LAMA1: variants seen among roughly 807,000 people sequenced by gnomAD.
The protein encoded by LAMA1 is laminin subunit alpha-1.
A neutral mutation model predicts 348.7 loss-of-function variants in LAMA1; 219 were observed. The ratio of observed to expected loss-of-function variants is 0.63; its 90% CI spans 0.56 to 0.70. The LOEUF (loss-of-function observed/expected upper bound fraction) is 0.70. Among genes scored for constraint, LAMA1 ranks in the 30% least tolerant of loss-of-function variants. LAMA1 has a pLI of 0.00. For missense variants in LAMA1, 3,744 were observed against 3,888.0 expected, an observed-to-expected ratio of 0.96 and a Z score of 0.99; for synonymous variants, 1,487 against 1,491.0, an observed-to-expected ratio of 1.00 and a Z score of 0.06.
rs1349466518 is a variant in LAMA1, at chr18:6,955,429, G to C, written c.8131C>G (p.Pro2711Ala). ...GTGAGACCAAACTGGTGAGCGCCGG[G>C]AACGTACTCCAGAGCTGCATCCACC... ...CVVDAALEYV[P>A]GAHQFGLTQN... Residue 2711 changes from proline (P) to alanine (A), a missense_variant, in exon 57 of 63, where the codon CCC (proline) becomes GCC (alanine). Transcript: ENST00000389658. 1 of 1,614,090 alleles carries C rather than the reference G, an allele frequency of 6.2e-7. No individual in the cohort carries two copies. The highest frequency in any genetic ancestry group is 8.5e-7 in the Non-Finnish European group (1 of 1,180,006).
chr18:6,963,595 C>T (rs1311373106), intron 51 of LAMA1, among the ~76,000 whole-genome samples: 1 of 152,140 alleles, frequency 6.6e-6, no homozygotes, highest in Non-Finnish European at 1.5e-5. Context: ...AGCTCTGTGC[C>T]ACATAAGAGG....
intron 27 of LAMA1, 94 bp from the exon 28 acceptor site, chr18:7,008,702 C>T (rs2057844898): frequency 4.2e-6 from 6 of 1,444,704 alleles, no homozygotes; most frequent in Non-Finnish European, 5.8e-6. Context: ...ATATATGAAA[C>T]CAGAGCTTTC....
At chr18:6,951,706 C>T (rs898619831) in intron 57 of LAMA1, among the ~76,000 whole-genome samples, 2 of 152,106 alleles carry the variant, frequency 1.3e-5, no homozygotes, top group Non-Finnish European at 2.9e-5. Context: ...CGACAGCCAA[C>T]GGGAGGGAGT....
intron 33 of LAMA1, among the ~76,000 whole-genome samples, chr18:6,996,291 C>G (rs1355607346): frequency 6.6e-6 from 1 of 152,100 alleles, no homozygotes; most frequent in Non-Finnish European, 1.5e-5. Context: ...GAACCAGCCC[C>G]ATCCCAGCGC....
chr18:7,003,762 A>G (rs547071342), intron 29 of LAMA1, among the ~76,000 whole-genome samples: 27 of 152,198 alleles, frequency 1.8e-4, no homozygotes, highest in Non-Finnish European at 3.8e-4. Flanking sequence ...TATCCTTGGC[A>G]GTGAGAGGTG....
At position 7,011,411 on chromosome 18, in the gene LAMA1, C is replaced by T. The variant is rs754428874; in HGVS notation, c.3576G>A (p.Glu1192=). 2.0e-5 allele frequency: 32 copies of T among 1,609,586 alleles called. No homozygotes were observed. Among genetic ancestry groups the T allele is most frequent in the Non-Finnish European group, 2.7e-5 (32 of 1,178,254 alleles). Residue 1192 remains glutamate (E), a synonymous_variant, in exon 25 of 63, where the codon GAG becomes GAA. Transcript: ENST00000389658. ...AGTCGGGGGCCTGGTAGTAAACCCC[C>T]TCGGTCGTGCCCCTCAAGTTACTCT... ...VSQSNLRGTT[E]GVYYQAPDFL... is the part of the protein sequence containing the mutation.
At chr18:7,001,681 T>C (rs541812487) in intron 30 of LAMA1, among the ~76,000 whole-genome samples, 1 of 152,232 alleles carries the variant, frequency 6.6e-6, no homozygotes, top group East Asian at 1.9e-4. Flanking sequence ...AATAATAAAA[T>C]ATTATTGATG....
chr18:6,949,025 C>T (rs1397030893), intron 59 of LAMA1, 76 bp downstream of exon 59: 10 of 1,560,410 alleles, frequency 6.4e-6, no homozygotes, highest in Admixed American at 3.4e-5. Context: ...CATAAAGATG[C>T]CGTGAGGTAT....
In LAMA1 at chr18:6,953,085, CCTGTGT is replaced by C. The variant is rs1195490837; in HGVS notation, c.8208-2120_8208-2115del. On this transcript the variant is annotated intron_variant, in intron 57 of 62. Transcript: ENST00000389658. ...ATCCACGCCATGGGAGCCATGTCTG[CCTGTGT>C]CCAGTGGATCCACACCATAGGAGCC... 1.8e-3 allele frequency among the ~76,000 whole-genome samples: 272 copies of C among 148,350 alleles called. 2 individuals carry two copies. The highest frequency in any genetic ancestry group is 6.2e-3 in the African/African-American group (248 of 39,754).
At chr18:6,956,094 G>A (rs909535104) in intron 56 of LAMA1, 10 of 306,658 alleles carry the variant, frequency 3.3e-5, no homozygotes, top group African/African-American at 6.6e-5. Context: ...TCAAAGCCTC[G>A]CCCTGCTCAG....
intron 20 of LAMA1, 110 bp downstream of exon 20, chr18:7,017,168 T>C (rs1568032564): frequency 4.8e-6 from 4 of 840,220 alleles, no homozygotes; most frequent in East Asian, 5.3e-5. Flanking sequence ...AGTATCTCTA[T>C]AGCAGTGTGA....
chr18:7,100,406 G>A (rs2058286975), intron 1 of LAMA1, among the ~76,000 whole-genome samples: 1 of 151,994 alleles, frequency 6.6e-6, no homozygotes, highest in Admixed American at 6.6e-5. Flanking sequence ...TGGTAGGGCT[G>A]TAAAACAGTG....
Position 7,049,227 on chromosome 18 carries a change from T to C in LAMA1, c.619A>G (p.Ser207Gly), listed in dbSNP as rs898152057. 5.0e-6 allele frequency: 8 copies of C among 1,614,000 alleles called. No homozygotes were observed. Among genetic ancestry groups the C allele is most frequent in the Non-Finnish European group, 6.8e-6 (8 of 1,180,012 alleles). The change falls in exon 5 of 63, where the codon AGC becomes GGC. Residue 207 changes from serine (S) to glycine (G), a missense_variant. Physicochemically the swap from Ser to Gly is moderately conservative, Grantham distance 56. This residue lies in a region of LAMA1 where 1,529 missense variants were observed against 1,689.4 expected (regional missense o/e 0.91). Transcript: ENST00000389658. Reference sequence around the variant, plus strand: ...AACTTGGGTGAAAGATCGTCAGCGCTTGGTCTGCCATTGATGAGTGATGTA... The same window carrying C: ...AACTTGGGTGAAAGATCGTCAGCGCCTGGTCTGCCATTGATGAGTGATGTA... ...IHTSLINGRPSADDLSPKLLE... is the reference protein window; with the variant it reads ...IHTSLINGRPGADDLSPKLLE...
In LAMA1 at chr18:7,037,591, T is replaced by C. The variant is rs1161599062; in HGVS notation, c.1724A>G (p.Tyr575Cys). ...PKYYWAAPEA[Y>C]LGNKLTAFGG... ...GGTCACACGCACCTTATTTCCAAGG[T>C]AGGCCTCGGGGGCTGCCCAGTAGTA... is the stretch of plus-strand genomic sequence containing the variant. Residue 575 changes from tyrosine (Y) to cysteine (C), a missense_variant, in exon 12 of 63, where the codon TAC (tyrosine) becomes TGC (cysteine). Physicochemically the swap from Tyr to Cys is radical, Grantham distance 194. This residue lies in a region of LAMA1 where 1,529 missense variants were observed against 1,689.4 expected (regional missense o/e 0.91). Transcript: ENST00000389658. The C allele has an allele frequency of 6.2e-7, 1 of 1,613,982 alleles. No homozygotes were observed. The highest frequency in any genetic ancestry group is 1.7e-5 in the Admixed American group (1 of 59,990).
chr18:7,107,882 C>T (rs541785788), intron 1 of LAMA1, among the ~76,000 whole-genome samples: 18 of 151,750 alleles, frequency 1.2e-4, no homozygotes, highest in African/African-American at 3.9e-4. Flanking sequence ...GGCCTGGTGG[C>T]GGGTGCCTGT....
intron 40 of LAMA1, among the ~76,000 whole-genome samples, chr18:6,982,818 T>G (rs1210569145): frequency 2.6e-5 from 4 of 152,154 alleles, no homozygotes; most frequent in Non-Finnish European, 5.9e-5. Flanking sequence ...TCACCATGGT[T>G]ATAGAAAAAT....
At position 6,982,449 on chromosome 18, in the gene LAMA1, C is replaced by T. The variant is rs773701558; in HGVS notation, c.5890+48G>A. 30 of 1,481,878 alleles carry T rather than the reference C, an allele frequency of 2.0e-5. No individual in the cohort carries two copies. In the Admixed American group the frequency reaches 3.7e-4, roughly 18 times the overall value. 91.8% of individuals were successfully genotyped at this position (1,481,878 alleles called of 1,614,324 possible). A position where few individuals can be genotyped will look rare whatever the true frequency, so the allele number is the denominator to read the frequency against. On this transcript the variant is annotated intron_variant, in intron 41 of 62. Coordinates refer to ENST00000389658, the MANE Select transcript of LAMA1 (RefSeq NM_005559.4). The stretch of plus-strand genomic sequence containing the variant: ...CATTCTTAGAGGCTGCTCAGCGAGA[C>T]GCTCACGCTCACTCTGCCTGTCTAC...
In LAMA1 at chr18:7,024,415, C is replaced by T; in HGVS notation, c.2454G>A (p.Trp818Ter). The T allele has an allele frequency of 6.2e-7, 1 of 1,614,122 alleles. No homozygotes were observed. Among genetic ancestry groups the T allele is most frequent in the Non-Finnish European group, 8.5e-7 (1 of 1,180,002 alleles). Residue 818 changes from tryptophan (W) to a stop codon, truncating the protein, a stop_gained, in exon 18 of 63, where the codon TGG becomes TGA. Coordinates refer to ENST00000389658, the MANE Select transcript of LAMA1 (RefSeq NM_005559.4). LOFTEE classifies it high-confidence loss of function. ...AAGCTCCTGAGTAGCCCGGGGCACA[C>T]CAGTCACAGACCACTTCATCTCCAT... ...LNDGDEVVCD[W>*]CAPGYSGAWC... is the part of the protein sequence containing the mutation.
intron 62 of LAMA1, among the ~76,000 whole-genome samples, chr18:6,942,705 C>T (rs1303656658): frequency 1.3e-5 from 2 of 152,124 alleles, no homozygotes; most frequent in African/African-American, 4.8e-5. Flanking sequence ...TAAGCCACCG[C>T]ACCTGGCCAA....
Sources: allele counts gnomAD v4.1 joint callset (sites outside exome capture counted in the v4.1 genomes callset), GRCh38; gene constraint gnomAD v4.1.1; regional missense constraint gnomAD v4.1.1; transcripts MANE v1.5; gene names NCBI Gene and HGNC (gene_info 2026-07-23, HGNC 2026-07-21).